The following ROBO2 variants were observed in gnomAD, a reference collection of about 807,000 sequenced individuals.
ROBO2 encodes roundabout guidance receptor 2.
ROBO2 carries 53 observed loss-of-function variants against 160.8 expected under a neutral mutation model. The observed-to-expected ratio is 0.33, with a 90% CI of 0.26 to 0.41. The LOEUF (loss-of-function observed/expected upper bound fraction) is 0.41. Among genes scored for constraint, ROBO2 ranks in the 10% least tolerant of loss-of-function variants. The probability of loss-of-function intolerance (pLI) is 1.00; values close to 1 mark genes in which losing one functional copy is unlikely to be tolerated. For synonymous variants in ROBO2, 664 were observed against 611.7 expected, an observed-to-expected ratio of 1.09 and a Z score of -1.26; for missense variants, 1,577 against 1,722.4, an observed-to-expected ratio of 0.92 and a Z score of 1.49.
intron 16 of ROBO2, among the ~76,000 whole-genome samples, chr3:77,586,960 T>C (rs1036831857): frequency 9.2e-5 from 14 of 151,762 alleles, no homozygotes; most frequent in Non-Finnish European, 1.3e-4. Flanking sequence ...TGAAATTTAA[T>C]ACAAAAGACC....
intron 2 of ROBO2, among the ~76,000 whole-genome samples, chr3:76,478,276 G>T (rs1435855474): frequency 6.7e-6 from 1 of 149,038 alleles, no homozygotes; most frequent in African/African-American, 2.5e-5. Flanking sequence ...AGAATATGCG[G>T]TGTTTGCTTT....
At chr3:77,620,679 C>T (rs1010049342) in intron 22 of ROBO2, among the ~76,000 whole-genome samples, 6 of 152,120 alleles carry the variant, frequency 3.9e-5, no homozygotes, top group Admixed American at 6.5e-5. Context: ...ATTTTTTTAA[C>T]ATTGAAACAT....
chr3:77,247,999 C>G (rs751062115), intron 2 of ROBO2, among the ~76,000 whole-genome samples: 2 of 152,114 alleles, frequency 1.3e-5, no homozygotes, highest in Non-Finnish European at 2.9e-5. Context: ...CACCCACAGC[C>G]CCACCCCACC....
upstream of ROBO2, among the ~76,000 whole-genome samples, chr3:77,036,443 C>G (rs994522212): frequency 1.3e-5 from 2 of 151,940 alleles, no homozygotes; most frequent in African/African-American, 4.8e-5. Flanking sequence ...CTTGGGGAAT[C>G]TGGTATGAAA....
chr3:76,374,990 T>A (rs1290896824), intron 2 of ROBO2, among the ~76,000 whole-genome samples: 2 of 151,522 alleles, frequency 1.3e-5, no homozygotes, highest in Admixed American at 6.6e-5. Context: ...TAAAGTATTA[T>A]AAGAACCCCT....
At chr3:76,657,614 ATATATATGTGTATATATATT>A (rs2091601170) in intron 2 of ROBO2, among the ~76,000 whole-genome samples, 2 of 90,652 alleles carry the variant, frequency 2.2e-5, no homozygotes, top group African/African-American at 5.5e-5. Flanking sequence ...ATATATATTC[ATATATATGTGTATATATATT>A]CATATATATG....
chr3:77,072,886 T>C (rs1464749673), intron 1 of ROBO2, among the ~76,000 whole-genome samples: 2 of 152,218 alleles, frequency 1.3e-5, no homozygotes, highest in African/African-American at 2.4e-5. Context: ...TTATTTACTA[T>C]AAACATACCA....
intron 2 of ROBO2, among the ~76,000 whole-genome samples, chr3:76,492,012 AGG>A (rs2079853190): frequency 6.6e-6 from 1 of 152,140 alleles, no homozygotes; most frequent in Non-Finnish European, 1.5e-5. Context: ...GCTACTGGGG[AGG>A]CTGAGGCAGG....
chr3:77,545,876 C>T (rs2092678974), intron 6 of ROBO2, among the ~76,000 whole-genome samples: 1 of 151,944 alleles, frequency 6.6e-6, no homozygotes, highest in Admixed American at 6.6e-5. Context: ...ATATTTTATA[C>T]CCTTTGGTAT....
chr3:77,401,724 A>T (rs1444006993), intron 2 of ROBO2, among the ~76,000 whole-genome samples: 4 of 152,166 alleles, frequency 2.6e-5, no homozygotes, highest in Non-Finnish European at 4.4e-5. Context: ...GGCAGCCATC[A>T]GGCGATGGTC....
chr3:77,626,818 T>C (rs1336801054), intron 23 of ROBO2, among the ~76,000 whole-genome samples: 1 of 152,128 alleles, frequency 6.6e-6, no homozygotes, highest in Non-Finnish European at 1.5e-5. Flanking sequence ...GGACCCCACA[T>C]GAATATCACA....
At chr3:77,098,370 C>T in intron 2 of ROBO2, 30 bp downstream of exon 2, 1 of 1,603,912 alleles carries the variant, frequency 6.2e-7, no homozygotes, top group Non-Finnish European at 8.5e-7. Flanking sequence ...CTCATGTGCA[C>T]ATTTACTTTT....
At chr3:76,954,619 T>C (rs2079139796) in intron 2 of ROBO2, among the ~76,000 whole-genome samples, 1 of 152,220 alleles carries the variant, frequency 6.6e-6, no homozygotes, top group Non-Finnish European at 1.5e-5. Context: ...CAAGGGCATG[T>C]TATTCTGGCT....
intron 2 of ROBO2, among the ~76,000 whole-genome samples, chr3:77,201,794 A>G (rs902405110): frequency 6.6e-6 from 1 of 152,164 alleles, no homozygotes; most frequent in Non-Finnish European, 1.5e-5. Flanking sequence ...CATGAGGGGA[A>G]AAAACACAAA....
intron 2 of ROBO2, among the ~76,000 whole-genome samples, chr3:75,941,772 G>A (rs1948065803): frequency 6.6e-6 from 1 of 151,982 alleles, no homozygotes; most frequent in South Asian, 2.1e-4. Flanking sequence ...TAAGTTAAGG[G>A]GCAAAATTTT....
intron 2 of ROBO2, among the ~76,000 whole-genome samples, chr3:77,245,851 A>G (rs2089665009): frequency 6.6e-6 from 1 of 152,248 alleles, no homozygotes; most frequent in South Asian, 2.1e-4. Context: ...TGATGTTGCC[A>G]TGGCTGAGTT....
chr3:76,349,248 A>G (rs537028708), intron 2 of ROBO2, among the ~76,000 whole-genome samples: 2 of 152,116 alleles, frequency 1.3e-5, no homozygotes, highest in Non-Finnish European at 2.9e-5. Flanking sequence ...AAAGCACTAA[A>G]ATGATAGCAT....
At chr3:76,056,838 G>A (rs1393934148) in intron 2 of ROBO2, among the ~76,000 whole-genome samples, 2 of 152,164 alleles carry the variant, frequency 1.3e-5, no homozygotes, top group African/African-American at 4.8e-5. Flanking sequence ...ATAGAGGAAA[G>A]TGTAATGTCA....
intron 2 of ROBO2, among the ~76,000 whole-genome samples, chr3:76,329,489 A>G (rs574199074): frequency 2.6e-5 from 4 of 152,320 alleles, no homozygotes; most frequent in Admixed American, 6.5e-5. Flanking sequence ...AAGTGCTGGG[A>G]TAACAGGCCT....
Sources: allele counts gnomAD v4.1 joint callset (sites outside exome capture counted in the v4.1 genomes callset), GRCh38; gene constraint gnomAD v4.1.1; transcripts MANE v1.5; gene names NCBI Gene and HGNC (gene_info 2026-07-23, HGNC 2026-07-21).